The following ADK variants were observed in gnomAD, a reference collection of about 807,000 sequenced individuals.
ADK encodes adenosine kinase.
A neutral mutation model predicts 44.7 loss-of-function variants in ADK; 24 were observed. That is an observed-to-expected ratio of 0.54 (90% CI 0.39 to 0.76). ADK has a LOEUF of 0.76. Ranked by LOEUF, ADK falls within the 30% of genes least tolerant of loss-of-function variation. The pLI, the probability that ADK is intolerant of heterozygous loss-of-function variation, is 0.00. For synonymous variants in ADK, 128 were observed against 142.6 expected (o/e 0.90, Z 0.73); for missense variants, 321 against 425.1 (o/e 0.76, Z 2.15).
intron 3 of ADK, among the ~76,000 whole-genome samples, chr10:74,250,609 G>A (rs2132334565): frequency 6.6e-6 from 1 of 152,290 alleles, no homozygotes. Flanking sequence ...AAAGATAGTT[G>A]ATAGAATACA....
intron 3 of ADK, among the ~76,000 whole-genome samples, chr10:74,312,605 T>C (rs1159590550): frequency 6.6e-6 from 1 of 151,858 alleles, no homozygotes; most frequent in Non-Finnish European, 1.5e-5. Context: ...CAAATACTGT[T>C]AACAGTTAAT....
intron 3 of ADK, among the ~76,000 whole-genome samples, chr10:74,249,274 A>G (rs1398441903): frequency 6.6e-6 from 1 of 152,156 alleles, no homozygotes; most frequent in Non-Finnish European, 1.5e-5. Context: ...TGTTCTTACT[A>G]TTAGTTTTGA....
At chr10:74,649,008 T>C (rs1005168387) in intron 9 of ADK, among the ~76,000 whole-genome samples, 7 of 151,744 alleles carry the variant, frequency 4.6e-5, no homozygotes, top group African/African-American at 1.7e-4. Context: ...GGTGAAACCC[T>C]GTCTCTACTA....
intron 6 of ADK, among the ~76,000 whole-genome samples, chr10:74,490,699 T>G (rs1165601587): frequency 6.6e-6 from 1 of 152,168 alleles, no homozygotes; most frequent in Non-Finnish European, 1.5e-5. Flanking sequence ...CGTCTCTGCC[T>G]GATAACAAAG....
intron 2 of ADK, among the ~76,000 whole-genome samples, chr10:74,218,135 A>G (rs995994525): frequency 6.6e-6 from 1 of 152,228 alleles, no homozygotes; most frequent in African/African-American, 2.4e-5. Flanking sequence ...AATTTAAACG[A>G]ATGTATAACT....
At chr10:74,397,915 A>C (rs949069466) in intron 5 of ADK, among the ~76,000 whole-genome samples, 1 of 152,208 alleles carries the variant, frequency 6.6e-6, no homozygotes, top group African/African-American at 2.4e-5. Context: ...GGACTTTTCA[A>C]CTATAGAAAA....
chr10:74,375,141 A>C (rs985865650), intron 4 of ADK, among the ~76,000 whole-genome samples: 10 of 152,166 alleles, frequency 6.6e-5, no homozygotes, highest in African/African-American at 7.2e-5. Context: ...CACTTTCTGC[A>C]TATAAATCTT....
intron 4 of ADK, among the ~76,000 whole-genome samples, chr10:74,324,594 T>G (rs897800494): frequency 6.6e-6 from 1 of 152,230 alleles, no homozygotes; most frequent in South Asian, 2.1e-4. Flanking sequence ...GTTCCTTTTT[T>G]TTGTGGATGA....
chr10:74,318,225 G>A (rs1231978673), intron 4 of ADK, among the ~76,000 whole-genome samples: 1 of 152,140 alleles, frequency 6.6e-6, no homozygotes, highest in Non-Finnish European at 1.5e-5. Context: ...GTAGTGGTGT[G>A]ATCATAGCTC....
chr10:74,519,322 A>T lies in ADK; in HGVS notation c.556-5934A>T, dbSNP rs374967881. On this transcript the variant is annotated intron_variant, in intron 6 of 10. Transcript: ENST00000539909. ...TTCAATTTTTACATTTAAATTAATG[A>T]AAGTAAATTAAAAATTTAGTTTCAC... Among the ~76,000 whole-genome samples, 18 of 152,132 alleles carry T rather than the reference A, an allele frequency of 1.2e-4. 1 individual carries two copies. In the South Asian group the frequency reaches 2.5e-3, roughly 21 times the overall value.
chr10:74,619,339 C>T (rs978216799), intron 9 of ADK, among the ~76,000 whole-genome samples: 1 of 151,898 alleles, frequency 6.6e-6, no homozygotes, highest in Non-Finnish European at 1.5e-5. Context: ...CCTGTACTCC[C>T]AGCTACTTGG....
intron 3 of ADK, among the ~76,000 whole-genome samples, chr10:74,275,529 T>G (rs1468593599): frequency 2.6e-5 from 4 of 152,196 alleles, no homozygotes; most frequent in South Asian, 4.1e-4. Context: ...TTCCTATGGC[T>G]ACAAGAAAAA....
chr10:74,568,632 GTTAT>G (rs1350127278), intron 7 of ADK, among the ~76,000 whole-genome samples: 6 of 148,412 alleles, frequency 4.0e-5, no homozygotes, highest in African/African-American at 1.5e-4. Flanking sequence ...CATTTCTATG[GTTAT>G]TTCTTTTTTT....
At chr10:74,475,872 A>G (rs1846817080) in intron 6 of ADK, among the ~76,000 whole-genome samples, 1 of 152,120 alleles carries the variant, frequency 6.6e-6, no homozygotes, top group Non-Finnish European at 1.5e-5. Flanking sequence ...CAAAACCAGC[A>G]TCTGAGCACT....
At chr10:74,504,837 C>T (rs1847996988) in intron 6 of ADK, among the ~76,000 whole-genome samples, 1 of 152,138 alleles carries the variant, frequency 6.6e-6, no homozygotes, top group Non-Finnish European at 1.5e-5. Context: ...CCTGCTTCCC[C>T]TTCTGCCATG....
At chr10:74,585,948 C>T (rs938349748) in intron 7 of ADK, among the ~76,000 whole-genome samples, 2 of 152,202 alleles carry the variant, frequency 1.3e-5, no homozygotes, top group Non-Finnish European at 2.9e-5. Flanking sequence ...ATATTTGGAA[C>T]CTGTCTTGCT....
chr10:74,574,576 G>A (rs144920613), intron 7 of ADK, among the ~76,000 whole-genome samples: 134 of 152,200 alleles, frequency 8.8e-4, no homozygotes, highest in African/African-American at 2.4e-3. Flanking sequence ...TGCATACATC[G>A]TTGAAAATAC....
chr10:74,601,890 G>A (rs1852137959), intron 9 of ADK, among the ~76,000 whole-genome samples: 1 of 148,698 alleles, frequency 6.7e-6, no homozygotes, highest in Admixed American at 6.7e-5. Flanking sequence ...CCCAGGAGTT[G>A]GAGACCAGCC....
intron 6 of ADK, among the ~76,000 whole-genome samples, chr10:74,523,651 T>C (rs1419168779): frequency 6.6e-6 from 1 of 152,160 alleles, no homozygotes; most frequent in Non-Finnish European, 1.5e-5. Flanking sequence ...GAACCTCAAC[T>C]GTAGTATGAC....
Sources: gnomAD v4.1 joint callset for allele counts (sites outside exome capture counted in the v4.1 genomes callset) on GRCh38, gnomAD v4.1.1 for gene constraint, MANE v1.5 for transcripts, NCBI Gene and HGNC (gene_info 2026-07-23, HGNC 2026-07-21) for gene names.